STPG1: variants seen among roughly 807,000 people sequenced by gnomAD.
STPG1 encodes sperm tail PG-rich repeat containing 1.
STPG1 carries 33 observed loss-of-function variants against 40.1 expected under a neutral mutation model. The ratio of observed to expected loss-of-function variants is 0.82; its 90% CI spans 0.62 to 1.10. The LOEUF (loss-of-function observed/expected upper bound fraction) is 1.10. Ranked by LOEUF, STPG1 falls within the 50% of genes least tolerant of loss-of-function variation. STPG1 has a pLI of 0.00. For synonymous variants in STPG1, 150 were observed against 155.0 expected, an observed-to-expected ratio of 0.97 and a Z score of 0.24; for missense variants, 396 against 415.1, an observed-to-expected ratio of 0.95 and a Z score of 0.40.
At chr1:24,395,428 A>ATT (rs71577706) in intron 2 of STPG1, among the ~76,000 whole-genome samples, 2,278 of 128,032 alleles carry the variant, frequency 0.018, 98 homozygotes, top group African/African-American at 0.065. Flanking sequence ...AAATTGAACA[A>ATT]TTTTTTTTTT....
At chr1:24,409,738 C>T (rs1643541017) in intron 1 of STPG1, among the ~76,000 whole-genome samples, 1 of 152,200 alleles carries the variant, frequency 6.6e-6, no homozygotes, top group South Asian at 2.1e-4. Context: ...GCTGTATTTG[C>T]TACCCCACCA....
intron 7 of STPG1, chr1:24,364,080 C>A: frequency 7.1e-7 from 1 of 1,417,642 alleles, no homozygotes; most frequent in Non-Finnish European, 9.3e-7. Context: ...CAACACAACA[C>A]AGTTCAGCAA....
intron 1 of STPG1, among the ~76,000 whole-genome samples, chr1:24,403,375 A>T (rs995501740): frequency 1.3e-5 from 2 of 152,174 alleles, no homozygotes; most frequent in African/African-American, 4.8e-5. Context: ...CTTGCTTTAG[A>T]GTAAGTTTTA....
At chr1:24,371,677 C>T (rs1025700746) in intron 6 of STPG1, among the ~76,000 whole-genome samples, 2 of 151,984 alleles carry the variant, frequency 1.3e-5, no homozygotes, top group Non-Finnish European at 2.9e-5. Context: ...GGATAACTAT[C>T]TCTCATATTC....
intron 2 of STPG1, among the ~76,000 whole-genome samples, chr1:24,393,442 CT>C (rs1310574851): frequency 6.6e-6 from 1 of 152,206 alleles, no homozygotes; most frequent in Non-Finnish European, 1.5e-5. Context: ...AGCTGCAAGA[CT>C]TCCTGGCTTT....
intron 7 of STPG1, among the ~76,000 whole-genome samples, chr1:24,365,366 GA>G (rs1420958608): frequency 6.6e-6 from 1 of 152,178 alleles, no homozygotes; most frequent in Non-Finnish European, 1.5e-5. Flanking sequence ...TGCCTAGGAG[GA>G]ACTATTTTGA....
chr1:24,413,070 C>CA (rs1643792099), intron 1 of STPG1, among the ~76,000 whole-genome samples: 2 of 152,190 alleles, frequency 1.3e-5, no homozygotes, highest in Admixed American at 1.3e-4. Flanking sequence ...TTTATCTACT[C>CA]AGTTATAAGC....
At chr1:24,397,822 A>G (rs1221541577) in intron 2 of STPG1, among the ~76,000 whole-genome samples, 1 of 152,146 alleles carries the variant, frequency 6.6e-6, no homozygotes, top group Non-Finnish European at 1.5e-5. Context: ...TCCATTGTAT[A>G]AAAACATGAT....
At position 24,357,235 on chromosome 1, in the gene STPG1, T is replaced by C. The variant is rs538190663; in HGVS notation, c.*1308A>G. The C allele has an allele frequency of 5.1e-4, 77 of 152,302 alleles. No homozygotes were observed. Among genetic ancestry groups the C allele is most frequent in the South Asian group, 1.2e-3 (6 of 4,828 alleles). The allele number at this position is 152,302 out of a possible 1,614,324, so 9.4% of individuals were successfully genotyped here. On this transcript the variant is annotated 3_prime_UTR_variant, in exon 9 of 9. Transcript: ENST00000337248. The stretch of plus-strand genomic sequence containing the variant: ...CCTCACTGTGGCTGTGACGCACCCT[T>C]GATGTCAGAACGAGGTGATGTGTGA...
In STPG1 at chr1:24,358,550, A is replaced by T; in HGVS notation, c.998T>A (p.Val333Asp). Residue 333 changes from valine to aspartate, a missense_variant, in exon 9 of 9, where the codon GTT becomes GAT. Transcript: ENST00000337248. Reference protein sequence around the residue: ...LYNEDKKWIPVL With the variant: ...LYNEDKKWIPDL ...TGACCTTGTGTGACATCCCTACAGA[A>T]CCGGGATCCATTTCTTGTCCTCGTT... The T allele has an allele frequency of 1.2e-6, 2 of 1,613,438 alleles. No homozygotes were observed.
chr1:24,380,669 T>C (rs1164588434), intron 4 of STPG1, among the ~76,000 whole-genome samples: 4 of 152,264 alleles, frequency 2.6e-5, no homozygotes, highest in Admixed American at 6.5e-5. Context: ...ACTCTGTGCT[T>C]GGTGGTGACG....
upstream of STPG1, chr1:24,414,636 G>A (rs1169007913): frequency 2.0e-4 from 28 of 140,654 alleles, no homozygotes; most frequent in Admixed American, 2.2e-3. Flanking sequence ...CCGAGTTCAA[G>A]CGATCCTCCC....
intron 7 of STPG1, among the ~76,000 whole-genome samples, chr1:24,367,314 A>G (rs1013502293): frequency 6.6e-6 from 1 of 152,220 alleles, no homozygotes; most frequent in Middle Eastern, 3.2e-3. Flanking sequence ...AACTTGAGCA[A>G]AAGCCAGAAG....
intron 2 of STPG1, among the ~76,000 whole-genome samples, chr1:24,398,498 G>A (rs1643093584): frequency 6.6e-6 from 1 of 151,894 alleles, no homozygotes; most frequent in Non-Finnish European, 1.5e-5. Flanking sequence ...CAATACAAAC[G>A]CCTACATAAA....
At chr1:24,414,622 C>T (rs1643933508), upstream of STPG1, 1 of 147,538 alleles carries the variant, frequency 6.8e-6, no homozygotes. Flanking sequence ...GCAACCTCCG[C>T]CTCCCGAGTT....
intron 4 of STPG1, among the ~76,000 whole-genome samples, chr1:24,380,117 C>T (rs959064738): frequency 3.9e-5 from 6 of 152,300 alleles, no homozygotes; most frequent in Middle Eastern, 3.4e-3. Context: ...TTCCAGGCCA[C>T]TTACCCTTGA....
intron 3 of STPG1, among the ~76,000 whole-genome samples, chr1:24,385,096 G>A (rs1438685497): frequency 6.6e-6 from 1 of 152,132 alleles, no homozygotes; most frequent in African/African-American, 2.4e-5. Flanking sequence ...TGCCACTCAG[G>A]CCTGTCCTGT....
intron 1 of STPG1, among the ~76,000 whole-genome samples, chr1:24,402,193 C>A (rs919668747): frequency 6.6e-6 from 1 of 152,194 alleles, no homozygotes; most frequent in Non-Finnish European, 1.5e-5. Flanking sequence ...TCTGCTGTCA[C>A]AATTGTTGCC....
intron 5 of STPG1, among the ~76,000 whole-genome samples, chr1:24,375,867 G>A (rs953036202): frequency 6.6e-6 from 1 of 152,170 alleles, no homozygotes; most frequent in Non-Finnish European, 1.5e-5. Flanking sequence ...CATGGGGCCA[G>A]GAAAATATTC....
Sources: allele counts gnomAD v4.1 joint callset (sites outside exome capture counted in the v4.1 genomes callset), GRCh38; gene constraint gnomAD v4.1.1; transcripts MANE v1.5; gene names NCBI Gene and HGNC (gene_info 2026-07-23, HGNC 2026-07-21).